The following MAX variants were observed in gnomAD, a reference collection of about 807,000 sequenced individuals.
MAX encodes the protein protein max.
In MAX, 3 loss-of-function variants were observed where a neutral mutation model predicts 22.3. The observed-to-expected ratio is 0.13, with a 90% CI of 0.06 to 0.35. The LOEUF (loss-of-function observed/expected upper bound fraction) is 0.35, where lower values mean the gene tolerates loss of function less well. Ranked by LOEUF, MAX falls within the 10% of genes least tolerant of loss-of-function variation. MAX has a pLI of 1.00. For missense variants in MAX, 119 were observed against 209.4 expected (o/e 0.57, Z 2.66); for synonymous variants, 72 against 77.7 (o/e 0.93, Z 0.39).
At chr14:65,072,917 A>C (rs1247809945), downstream of MAX, among the ~76,000 whole-genome samples, 3 of 152,202 alleles carry the variant, frequency 2.0e-5, no homozygotes, top group Admixed American at 2.0e-4. Context: ...AGGATGGGGC[A>C]CATCTCTGAG....
In MAX at chr14:65,032,349, T is replaced by C. The variant is rs1327520569; in HGVS notation, c.172-26065A>G. The C allele has an allele frequency of 1.2e-5, 4 of 336,670 alleles. No individual in the cohort carries two copies. Among genetic ancestry groups the C allele is most frequent in the Non-Finnish European group, 2.2e-5 (4 of 185,700 alleles). The allele number at this position is 336,670 out of a possible 1,614,324, so 20.9% of individuals were successfully genotyped here. On this transcript the variant is annotated intron_variant, in intron 3 of 3. Coordinates refer to the MAX transcript ENST00000341653. The surrounding 1 kb of genome is among the most constrained non-coding windows in gnomAD (Gnocchi z 5.0). The stretch of plus-strand genomic sequence containing the variant: ...ATGAATTGATATGGCTGTTATTTCC[T>C]CTGATGTAGATTGGACCATGTGGAG...
Position 65,075,454 on chromosome 14 carries a change from G to T in MAX, c.*1022C>A. 9.4e-7 allele frequency: 1 copy of T among 1,064,148 alleles called. No homozygotes were observed. Among genetic ancestry groups the T allele is most frequent in the Non-Finnish European group, 1.1e-6 (1 of 878,336 alleles). 65.9% of individuals were successfully genotyped at this position (1,064,148 alleles called of 1,614,324 possible). On this transcript the variant is annotated 3_prime_UTR_variant, in exon 5 of 5. Coordinates refer to ENST00000358664, the MANE Select transcript of MAX (RefSeq NM_002382.5). This position sits in a 1 kb window ranked among gnomAD's most constrained non-coding sequence, Gnocchi z 4.1. ...GAGGGCTGGGAAGGGTCCGCACTGG[G>T]GTGCGGGTTTAGTACCAGGTAAATT... is the stretch of plus-strand genomic sequence containing the variant.
intron 3 of MAX, among the ~76,000 whole-genome samples, chr14:65,022,615 C>T (rs2139556321): frequency 6.6e-6 from 1 of 152,180 alleles, no homozygotes; most frequent in Middle Eastern, 3.4e-3. Context: ...GATCCTCCTG[C>T]CTTGGCCTCC....
At position 65,027,629 on chromosome 14, in the gene MAX, C is replaced by G. The variant is rs772339288; in HGVS notation, c.172-21345G>C. ...AGTGAAAGCCAGCAGTGACAGAAAC[C>G]TAGAGGAGTTCCCCGCCTGCTGACA... On this transcript the variant is annotated intron_variant, in intron 3 of 3. Coordinates refer to the MAX transcript ENST00000341653. This position sits in a 1 kb window ranked among gnomAD's most constrained non-coding sequence, Gnocchi z 5.7. 1.9e-6 allele frequency: 3 copies of G among 1,614,032 alleles called. No individual in the cohort carries two copies. Among genetic ancestry groups the G allele is most frequent in the Non-Finnish European group, 2.5e-6 (3 of 1,179,936 alleles).
chr14:65,099,294 T>C (rs920885058), intron 2 of MAX, among the ~76,000 whole-genome samples: 1 of 152,076 alleles, frequency 6.6e-6, no homozygotes, highest in African/African-American at 2.4e-5. Flanking sequence ...AACAAATAGA[T>C]GTGTTAAATT....
Position 65,093,238 on chromosome 14 carries a change from GAA to G in MAX, c.171+468_171+469del, listed in dbSNP as rs1194540197. Reference sequence around the variant, plus strand: ...TTGGAAATAACAATTATTGGGGCTGGAAAATCAATGGTGCCCAGGTTGTTTTT... The same window carrying G: ...TTGGAAATAACAATTATTGGGGCTGGAATCAATGGTGCCCAGGTTGTTTTT... On this transcript the variant is annotated intron_variant, in intron 3 of 4. Transcript: ENST00000358664. This position sits in a 1 kb window ranked among gnomAD's most constrained non-coding sequence, Gnocchi z 4.4. Among the ~76,000 whole-genome samples, 1 of 152,126 alleles carries G rather than the reference GAA, an allele frequency of 6.6e-6. No individual in the cohort carries two copies. The highest frequency in any genetic ancestry group is 1.9e-4 in the East Asian group (1 of 5,202).
At chr14:65,095,221 T>C (rs1392930576) in intron 2 of MAX, among the ~76,000 whole-genome samples, 1 of 152,260 alleles carries the variant, frequency 6.6e-6, no homozygotes, top group Non-Finnish European at 1.5e-5. Context: ...TACAGCTCTG[T>C]TGAACTGGAC....
Position 65,024,229 on chromosome 14 carries a change from A to G in MAX, c.172-17945T>C, listed in dbSNP as rs144745202. ...GAGAAGCACTGATACCTGGCTGAAC[A>G]TTGGAATCACGTGGGGAGTTTAAAA... is the stretch of plus-strand genomic sequence containing the variant. On this transcript the variant is annotated intron_variant, in intron 3 of 3. Coordinates refer to the MAX transcript ENST00000341653. Among the ~76,000 whole-genome samples, 263 of 152,290 alleles carry G rather than the reference A, an allele frequency of 1.7e-3. 1 individual carries two copies. The highest frequency in any genetic ancestry group is 0.014 in the Middle Eastern group (4 of 294).
chr14:65,101,697 C>A, intron 1 of MAX, 125 bp from the exon 2 acceptor site: 1 of 733,962 alleles, frequency 1.4e-6, no homozygotes, highest in Non-Finnish European at 2.4e-6. Flanking sequence ...CCCGACACCC[C>A]TTCCTCCCTC....
chr14:65,089,358 T>C (rs9944027), intron 3 of MAX, among the ~76,000 whole-genome samples: 14,772 of 152,130 alleles, frequency 0.097, 2,206 homozygotes, highest in African/African-American at 0.32. Context: ...AGTTATATTC[T>C]CTCTCTCCAA....
Position 65,012,374 on chromosome 14 carries a change from G to A in MAX, c.172-6090C>T. On this transcript the variant is annotated intron_variant, in intron 3 of 3. Coordinates refer to the MAX transcript ENST00000341653. The surrounding 1 kb of genome is among the most constrained non-coding windows in gnomAD (Gnocchi z 5.0). ...ATCTGAAAAGAGGCCTTCGACAACT[G>A]ACAGATGCCTATGAGGTAAACACAT... is the stretch of plus-strand genomic sequence containing the variant. 6.2e-7 allele frequency: 1 copy of A among 1,614,154 alleles called. No individual in the cohort carries two copies. The highest frequency in any genetic ancestry group is 8.5e-7 in the Non-Finnish European group (1 of 1,179,982).
rs759033476 is a variant in MAX, at chr14:65,077,902, C to A, written c.295+11G>T. ...AGCAGGGCCAGCTGCCCCACGAGCTCGGGTGCTCACCTTGCTGCTCCAGAA... is the reference window on the plus strand; with the variant it reads ...AGCAGGGCCAGCTGCCCCACGAGCTAGGGTGCTCACCTTGCTGCTCCAGAA... On this transcript the variant is annotated intron_variant, in intron 4 of 4. Coordinates refer to ENST00000358664, the MANE Select transcript of MAX (RefSeq NM_002382.5). This position sits in a 1 kb window ranked among gnomAD's most constrained non-coding sequence, Gnocchi z 6.3. 2 of 1,614,230 alleles carry A rather than the reference C, an allele frequency of 1.2e-6. No homozygotes were observed. Among genetic ancestry groups the A allele is most frequent in the South Asian group, 1.1e-5 (1 of 91,086 alleles).
intron 3 of MAX, among the ~76,000 whole-genome samples, chr14:65,063,191 A>G (rs1421734662): frequency 1.3e-5 from 2 of 152,242 alleles, no homozygotes; most frequent in Non-Finnish European, 2.9e-5. Flanking sequence ...CCAAATGCAC[A>G]TCCAGGAATG....
chr14:65,015,463 A>G (rs2061755154), intron 3 of MAX: 1 of 386,086 alleles, frequency 2.6e-6, no homozygotes, highest in African/African-American at 2.1e-5. Context: ...CTCCTGGCTA[A>G]GGCCACAAAG....
chr14:65,053,142 A>C, intron 3 of MAX: 9 of 970,324 alleles, frequency 9.3e-6, no homozygotes, highest in Non-Finnish European at 1.2e-5. Flanking sequence ...GGGGAGCAGG[A>C]AACCTTGACT....
Position 65,047,610 on chromosome 14 carries a change from T to A in MAX, c.172-41326A>T, listed in dbSNP as rs911051205. Among the ~76,000 whole-genome samples, 1 of 152,162 alleles carries A rather than the reference T, an allele frequency of 6.6e-6. No homozygotes were observed. The highest frequency in any genetic ancestry group is 2.4e-5 in the African/African-American group (1 of 41,438). On this transcript the variant is annotated intron_variant, in intron 3 of 3. Transcript: ENST00000341653. This position sits in a 1 kb window ranked among gnomAD's most constrained non-coding sequence, Gnocchi z 5.2. ...TTTTTTGGAGGGCAGTTTGGAGACA[T>A]CCATTTAAATTATAAGGGCACTTAC... is the stretch of plus-strand genomic sequence containing the variant.
chr14:65,061,458 A>C, intron 3 of MAX: 2 of 1,344,556 alleles, frequency 1.5e-6, no homozygotes, highest in Non-Finnish European at 2.0e-6. Context: ...GTCAAACAAA[A>C]CCAATGGCTC....
In MAX at chr14:65,032,764, TAAAG is replaced by T; in HGVS notation, c.172-26484_172-26481del. On this transcript the variant is annotated intron_variant, in intron 3 of 3. Coordinates refer to the MAX transcript ENST00000341653. The surrounding 1 kb of genome is among the most constrained non-coding windows in gnomAD (Gnocchi z 5.0). ...CGGTCACGACACTACTTCAGAAAAA[TAAAG>T]AAAATGCAGAGGGACTTGGAAGGAA... The T allele has an allele frequency of 1.4e-6, 2 of 1,480,224 alleles. No individual in the cohort carries two copies. The highest frequency in any genetic ancestry group is 2.4e-5 in the East Asian group (1 of 41,920). 91.7% of individuals were successfully genotyped at this position (1,480,224 alleles called of 1,614,324 possible).
At chr14:65,039,942 G>A (rs1222308854) in intron 3 of MAX, among the ~76,000 whole-genome samples, 5 of 152,278 alleles carry the variant, frequency 3.3e-5, no homozygotes, top group Admixed American at 1.3e-4. Context: ...TCATCCCAAC[G>A]CTTTGGGATG....
Sources: gnomAD v4.1 joint callset for allele counts (sites outside exome capture counted in the v4.1 genomes callset) on GRCh38, gnomAD v4.1.1 for gene constraint, Gnocchi (gnomAD v3.1) non-coding constraint, MANE v1.5 for transcripts, NCBI Gene and HGNC (gene_info 2026-07-23, HGNC 2026-07-21) for gene names.